The following B4GALNT2 variants were observed in gnomAD, a reference collection of about 807,000 sequenced individuals.
B4GALNT2 encodes beta-1,4-N-acetyl-galactosaminyltransferase 2 (SID blood group), also known as N-acetylneuraminylgalactosylglucosyl-glucoside beta-1,4-N- acetylgalactosaminyltransferase 2.
In B4GALNT2, 42 loss-of-function variants were observed where a neutral mutation model predicts 51.1. That is an observed-to-expected ratio of 0.82 (90% confidence interval 0.64 to 1.06). B4GALNT2 has a LOEUF of 1.06. Ranked by LOEUF, B4GALNT2 falls within the 50% of genes least tolerant of loss-of-function variation. B4GALNT2 has a pLI of 0.00. For synonymous variants in B4GALNT2, 253 were observed against 251.7 expected (o/e 1.01, Z -0.05); for missense variants, 602 against 633.6 (o/e 0.95, Z 0.54).
chr17:49,150,018 C>T (rs2042733522), intron 3 of B4GALNT2, among the ~76,000 whole-genome samples: 1 of 152,192 alleles, frequency 6.6e-6, no homozygotes, highest in South Asian at 2.1e-4. Context: ...TGTATTTCCT[C>T]TTCCGTTAAT....
chr17:49,157,441 C>T (rs545110046), intron 5 of B4GALNT2, among the ~76,000 whole-genome samples: 1 of 152,252 alleles, frequency 6.6e-6, no homozygotes, highest in East Asian at 1.9e-4. Context: ...CTGCCTCAGC[C>T]TCCCAAGTAG....
At chr17:49,121,842 C>T in the B4GALNT2 span, among the ~76,000 whole-genome samples, 1 of 152,268 alleles carries the variant, frequency 6.6e-6, no homozygotes, top group South Asian at 2.1e-4. Context: ...ACTTGGACAG[C>T]CATCTCTTCT....
At chr17:49,147,133 T>C (rs548441936) in intron 3 of B4GALNT2, among the ~76,000 whole-genome samples, 33 of 152,306 alleles carry the variant, frequency 2.2e-4, no homozygotes, top group African/African-American at 7.7e-4. Flanking sequence ...GGGATCCATA[T>C]AGGATGACTA....
intron 1 of B4GALNT2, among the ~76,000 whole-genome samples, chr17:49,139,300 G>A (rs910271871): frequency 1.3e-5 from 2 of 151,864 alleles, no homozygotes; most frequent in Non-Finnish European, 1.5e-5. Context: ...GTGCAGTGGT[G>A]CAGTTTTGAC....
At chr17:49,133,022 A>AG in intron 1 of B4GALNT2, 1 of 1,481,842 alleles carries the variant, frequency 6.7e-7, no homozygotes, top group East Asian at 2.7e-5. Flanking sequence ...CTGCACCCCC[A>AG]GGAATGGGGA....
chr17:49,159,038 T>TCACC lies in B4GALNT2; in HGVS notation c.502_505dup (p.Leu169HisfsTer14), dbSNP rs748069796. On this transcript the variant is annotated frameshift_variant and splice_region_variant, in exon 6 of 11. Transcript: ENST00000393354. LOFTEE classifies it high-confidence loss of function. The stretch of plus-strand genomic sequence containing the variant: ...ATCATTCTACCTCACCCACCCTAGG[T>TCACC]CACCCTGACAGCTTCTCTGGGGACA... 3 of 1,613,854 alleles carry TCACC rather than the reference T, an allele frequency of 1.9e-6. 1 individual carries two copies. In the Admixed American group the frequency reaches 5.0e-5, roughly 27 times the overall value.
At position 49,152,913 on chromosome 17, in the gene B4GALNT2, A is replaced by ACATC. The variant is rs1222519443; in HGVS notation, c.460+10_460+13dup. On this transcript the variant is annotated splice_region_variant and intron_variant, in intron 4 of 10. Coordinates refer to ENST00000393354, the MANE Select transcript of B4GALNT2 (RefSeq NM_001159387.2). ...CACACGGTTCCCATCCCAGGTAAGT[A>ACATC]CATCCACATACCAAGAGACCCCAGA... 2 of 1,595,562 alleles carry ACATC rather than the reference A, an allele frequency of 1.3e-6. No homozygotes were observed. Among genetic ancestry groups the ACATC allele is most frequent in the Non-Finnish European group, 1.7e-6 (2 of 1,166,786 alleles).
At chr17:49,161,275 GA>G (rs5820749) in intron 7 of B4GALNT2, among the ~76,000 whole-genome samples, 13 of 139,372 alleles carry the variant, frequency 9.3e-5, no homozygotes, top group Admixed American at 7.3e-5. Context: ...ACTCTGTCTT[GA>G]AAAAAAAAAA....
chr17:49,152,657 C>G, intron 3 of B4GALNT2, 143 bp from the exon 4 acceptor site: 1 of 604,700 alleles, frequency 1.7e-6, no homozygotes, highest in South Asian at 2.2e-5. Context: ...GCCTGGGTGA[C>G]GAGAATGGAG....
chr17:49,152,029 C>T (rs900637019), intron 3 of B4GALNT2, among the ~76,000 whole-genome samples: 1 of 152,064 alleles, frequency 6.6e-6, no homozygotes, highest in Non-Finnish European at 1.5e-5. Flanking sequence ...GGGTGGGCCC[C>T]TACCGTCTGA....
chr17:49,124,327 A>G, the B4GALNT2 span, among the ~76,000 whole-genome samples: 1 of 152,232 alleles, frequency 6.6e-6, no homozygotes, highest in African/African-American at 2.4e-5. Flanking sequence ...GCTGCATTCA[A>G]GAGCACCTGT....
At chr17:49,139,188 T>C (rs1254152494) in intron 1 of B4GALNT2, among the ~76,000 whole-genome samples, 4 of 152,232 alleles carry the variant, frequency 2.6e-5, no homozygotes, top group Non-Finnish European at 4.4e-5. Context: ...TAAGCTAATC[T>C]TACTGCATTG....
chr17:49,161,288 AGAG>A (rs2042862930), intron 7 of B4GALNT2, among the ~76,000 whole-genome samples: 1 of 129,420 alleles, frequency 7.7e-6, no homozygotes, highest in African/African-American at 2.9e-5. Context: ...AAAAAAAAAA[AGAG>A]AGAGACAGCT....
rs779237215 is a variant in B4GALNT2, at chr17:49,176,495, G to A, written c.*6767G>A. 1 of 152,182 alleles carries A rather than the reference G, an allele frequency of 6.6e-6. No homozygotes were observed. The highest frequency in any genetic ancestry group is 1.9e-4 in the East Asian group (1 of 5,200). 9.4% of individuals were successfully genotyped at this position (152,182 alleles called of 1,614,324 possible). A position where few individuals can be genotyped will look rare whatever the true frequency, so the allele number is the denominator to read the frequency against. Reference sequence around the variant, plus strand: ...CTGCCACGTCCTTAAGGCACAGCTCGCTCATGCTATTGTTTGTGGCTTAGG... The same window carrying A: ...CTGCCACGTCCTTAAGGCACAGCTCACTCATGCTATTGTTTGTGGCTTAGG... On this transcript the variant is annotated 3_prime_UTR_variant, in exon 11 of 11. Coordinates refer to ENST00000393354, the MANE Select transcript of B4GALNT2 (RefSeq NM_001159387.2).
intron 1 of B4GALNT2, among the ~76,000 whole-genome samples, chr17:49,140,490 G>A (rs1014546874): frequency 6.6e-5 from 10 of 152,144 alleles, no homozygotes; most frequent in Admixed American, 3.9e-4. Flanking sequence ...AAATATTTTT[G>A]AGACTTGATC....
chr17:49,136,762 G>C (rs1220849965), intron 1 of B4GALNT2, among the ~76,000 whole-genome samples: 1 of 151,942 alleles, frequency 6.6e-6, no homozygotes, highest in Non-Finnish European at 1.5e-5. Flanking sequence ...GGCCAGGCTG[G>C]TCTCGAATTC....
intron 1 of B4GALNT2, 26 bp downstream of exon 1, chr17:49,132,832 G>A: frequency 1.5e-6 from 2 of 1,375,494 alleles, no homozygotes; most frequent in South Asian, 1.8e-5. Context: ...GCAGAGCAGA[G>A]CGAGAGGTGA....
rs765166492 is a variant in B4GALNT2 at position 49,164,161 on chromosome 17, C to T, written c.840C>T (p.Leu280=). 1 of 1,614,064 alleles carries T rather than the reference C, an allele frequency of 6.2e-7. No homozygotes were observed. Reference sequence around the variant, plus strand: ...GCCCCCACAAGCTCATGATCATGCTCCGGAGTATTCGAGAGTATTACCCAG... The same window carrying T: ...GCCCCCACAAGCTCATGATCATGCTTCGGAGTATTCGAGAGTATTACCCAG... ...FLRPHKLMIM[L]RSIREYYPDL... Residue 280 remains leucine, a synonymous_variant, in exon 8 of 11, where the codon CTC becomes CTT. Coordinates refer to ENST00000393354, the MANE Select transcript of B4GALNT2 (RefSeq NM_001159387.2).
chr17:49,127,268 C>A, the B4GALNT2 span, among the ~76,000 whole-genome samples: 77,551 of 151,990 alleles, frequency 0.51, 20,164 homozygotes, highest in Middle Eastern at 0.62. Context: ...ATTAATGTTC[C>A]TTTATCAAAA....
Sources: allele counts gnomAD v4.1 joint callset (sites outside exome capture counted in the v4.1 genomes callset), GRCh38; gene constraint gnomAD v4.1.1; transcripts MANE v1.5; gene names NCBI Gene and HGNC (gene_info 2026-07-23, HGNC 2026-07-21).